EFHC1: variants seen among roughly 807,000 people sequenced by gnomAD.
EFHC1 encodes EF-hand domain containing 1.
EFHC1 carries 53 observed loss-of-function variants against 69.9 expected under a neutral mutation model. The ratio of observed to expected loss-of-function variants is 0.76; its 90% confidence interval spans 0.61 to 0.95. The LOEUF is 0.95. Among genes scored for constraint, EFHC1 ranks in the 40% least tolerant of loss-of-function variants. EFHC1 has a pLI of 0.00. For missense variants in EFHC1, 739 were observed against 798.7 expected, an observed-to-expected ratio of 0.93 and a Z score of 0.90; for synonymous variants, 256 against 278.4, an observed-to-expected ratio of 0.92 and a Z score of 0.80.
At chr6:52,469,159 C>A in intron 6 of EFHC1, 174 bp from the exon 7 acceptor site, 1 of 783,330 alleles carries the variant, frequency 1.3e-6, no homozygotes. Context: ...GATGCAAAAT[C>A]CACAGAGGAA....
Position 52,494,903 on chromosome 6 carries a change from C to T in EFHC1, c.*2562C>T. On this transcript the variant is annotated 3_prime_UTR_variant, in exon 11 of 11. Transcript: ENST00000371068. ...CATTTTTTATGGCTGCGTAGTATTC[C>T]ATGGTGTAGATATACTTCATTTAAA... 1 of 451,090 alleles carries T rather than the reference C, an allele frequency of 2.2e-6. No homozygotes were observed. Among genetic ancestry groups the T allele is most frequent in the Admixed American group, 2.4e-5 (1 of 42,470 alleles). 27.9% of individuals were successfully genotyped at this position (451,090 alleles called of 1,614,324 possible).
rs950474106 is a variant in EFHC1 at position 52,445,409 on chromosome 6, G to A, written c.573+6818G>A. Among the ~76,000 whole-genome samples the A allele has an allele frequency of 2.8e-3, 426 of 151,480 alleles. 2 individuals carry two copies. The highest frequency in any genetic ancestry group is 9.5e-3 in the African/African-American group (391 of 41,236). ...AGTGTGCTGCACCCACTAACTTGTC[G>A]TCTAGCATTAGGTATATCTCCCAAT... On this transcript the variant is annotated intron_variant, in intron 3 of 10. Coordinates refer to ENST00000371068, the MANE Select transcript of EFHC1 (RefSeq NM_018100.4).
intron 2 of EFHC1, among the ~76,000 whole-genome samples, chr6:52,430,881 G>C (rs1368380977): frequency 6.6e-6 from 1 of 152,074 alleles, no homozygotes; most frequent in Non-Finnish European, 1.5e-5. Context: ...CTTGCTGCTT[G>C]TTGTTGGTCT....
At chr6:52,483,622 C>T (rs543913110) in intron 9 of EFHC1, 11 of 152,232 alleles carry the variant, frequency 7.2e-5, no homozygotes, top group African/African-American at 2.4e-4. Flanking sequence ...TGGTTACTTC[C>T]GGATGTTGTC....
intron 7 of EFHC1, among the ~76,000 whole-genome samples, chr6:52,469,746 G>A (rs1765394084): frequency 6.6e-6 from 1 of 152,158 alleles, no homozygotes; most frequent in African/African-American, 2.4e-5. Context: ...CAGATCTTTT[G>A]CCTCTTTTAT....
intron 2 of EFHC1, among the ~76,000 whole-genome samples, chr6:52,434,328 G>A (rs1428292602): frequency 6.6e-6 from 1 of 152,126 alleles, no homozygotes; most frequent in African/African-American, 2.4e-5. Flanking sequence ...GGCTTGGTAG[G>A]GGACCCCAGG....
chr6:52,458,627 A>T (rs1047700120), intron 5 of EFHC1, among the ~76,000 whole-genome samples: 1 of 150,950 alleles, frequency 6.6e-6, no homozygotes. Context: ...AAAATAACAG[A>T]TGTTGGCAAG....
intron 7 of EFHC1, among the ~76,000 whole-genome samples, chr6:52,475,744 T>TA (rs756695153): frequency 2.6e-5 from 4 of 152,222 alleles, no homozygotes; most frequent in Admixed American, 6.5e-5. Flanking sequence ...CAACAAATAT[T>TA]AAAGGACTAC....
intron 5 of EFHC1, among the ~76,000 whole-genome samples, chr6:52,460,972 A>C (rs542565021): frequency 7.9e-5 from 12 of 152,356 alleles, no homozygotes; most frequent in Non-Finnish European, 1.5e-4. Context: ...AAAGAACAAT[A>C]TTGAATTTGT....
Position 52,490,337 on chromosome 6 carries a change from C to T in EFHC1, c.1838C>T (p.Ser613Phe). 1.2e-6 allele frequency: 2 copies of T among 1,613,982 alleles called. No individual in the cohort carries two copies. The highest frequency in any genetic ancestry group is 1.7e-6 in the Non-Finnish European group (2 of 1,179,908). ...TCGCTTAACGTCCCAGTGGATGACTCCTTGGTTAAGGAGGTCAGTATGAAT... is the reference window on the plus strand; with the variant it reads ...TCGCTTAACGTCCCAGTGGATGACTTCTTGGTTAAGGAGGTCAGTATGAAT... Reference protein sequence around the residue: ...CESLNVPVDDSLVKELIRMCS... With the variant: ...CESLNVPVDDFLVKELIRMCS... The change falls in exon 10 of 11, where the codon TCC becomes TTC. Residue 613 changes from serine to phenylalanine, a missense_variant. Transcript: ENST00000371068.
intron 3 of EFHC1, among the ~76,000 whole-genome samples, chr6:52,442,301 T>C (rs1764682105): frequency 6.6e-6 from 1 of 152,136 alleles, no homozygotes. Flanking sequence ...TTTATTTATT[T>C]ATTTTATTAT....
chr6:52,440,129 G>A (rs1390622240), intron 3 of EFHC1, among the ~76,000 whole-genome samples: 1 of 152,090 alleles, frequency 6.6e-6, no homozygotes, highest in Non-Finnish European at 1.5e-5. Context: ...CACTGAATTA[G>A]TGAATACTGA....
In EFHC1 at chr6:52,475,949, A is replaced by G. The variant is rs961857851; in HGVS notation, c.1279-3088A>G. 3.3e-5 allele frequency among the ~76,000 whole-genome samples: 5 copies of G among 152,380 alleles called. No individual in the cohort carries two copies. The South Asian group carries it at 1.0e-3, about 32-fold the overall frequency. On this transcript the variant is annotated intron_variant, in intron 7 of 10. Coordinates refer to ENST00000371068, the MANE Select transcript of EFHC1 (RefSeq NM_018100.4). ...GGGGAAGGGGCTCATTTATATCAGC[A>G]GAATGGGGAAAGCCTCTCTGAGGAG...
At chr6:52,449,121 C>A (rs187995139) in intron 3 of EFHC1, among the ~76,000 whole-genome samples, 1 of 152,092 alleles carries the variant, frequency 6.6e-6, no homozygotes, top group Non-Finnish European at 1.5e-5. Context: ...CGGTGGCTCA[C>A]GCCTGTAATC....
chr6:52,479,890 A>T, intron 9 of EFHC1, 103 bp downstream of exon 9: 1 of 1,530,032 alleles, frequency 6.5e-7, no homozygotes, highest in Non-Finnish European at 8.8e-7. Context: ...GATTTCTCTC[A>T]CCAGGTGGGA....
chr6:52,471,545 T>A (rs530341618), intron 7 of EFHC1, among the ~76,000 whole-genome samples: 1 of 152,126 alleles, frequency 6.6e-6, no homozygotes, highest in Admixed American at 6.6e-5. Flanking sequence ...AATATACTTA[T>A]AGGGATTTCA....
chr6:52,492,174 A>T, intron 10 of EFHC1, 96 bp from the exon 11 acceptor site: 1 of 1,110,876 alleles, frequency 9.0e-7, no homozygotes, highest in Non-Finnish European at 1.4e-6. Context: ...ACTGATTTAC[A>T]AAGGCTCGGG....
intron 8 of EFHC1, 122 bp downstream of exon 8, chr6:52,479,372 A>G: frequency 8.9e-7 from 1 of 1,119,076 alleles, no homozygotes; most frequent in Non-Finnish European, 1.3e-6. Context: ...TAAAGCTACT[A>G]TCCTTGTATA....
At chr6:52,484,297 G>T (rs1765741919) in intron 9 of EFHC1, 2 of 152,234 alleles carry the variant, frequency 1.3e-5, no homozygotes, top group South Asian at 4.1e-4. Context: ...GAGTTTTTAT[G>T]TGTTTATATC....
Sources: allele counts gnomAD v4.1 joint callset (sites outside exome capture counted in the v4.1 genomes callset), GRCh38; gene constraint gnomAD v4.1.1; transcripts MANE v1.5; gene names NCBI Gene and HGNC (gene_info 2026-07-23, HGNC 2026-07-21).